The following ITGAV variants were observed in gnomAD, a reference collection of about 807,000 sequenced individuals.
ITGAV encodes the protein integrin subunit alpha V, also known as integrin alpha-V.
A neutral mutation model predicts 143.8 loss-of-function variants in ITGAV; 76 were observed. The ratio of observed to expected loss-of-function variants is 0.53; its 90% confidence interval spans 0.44 to 0.64. ITGAV has a LOEUF of 0.64. Among genes scored for constraint, ITGAV ranks in the 30% least tolerant of loss-of-function variants. The pLI, the probability that ITGAV is intolerant of heterozygous loss-of-function variation, is 0.00. For synonymous variants in ITGAV, 453 were observed against 446.7 expected (o/e 1.01, Z -0.18); for missense variants, 1,193 against 1,274.7 (o/e 0.94, Z 0.98).
intron 1 of ITGAV, among the ~76,000 whole-genome samples, chr2:186,595,202 C>T (rs185807397): frequency 6.6e-6 from 1 of 152,166 alleles, no homozygotes; most frequent in Non-Finnish European, 1.5e-5. Context: ...GGTGAAGGCT[C>T]ATTGGTCAAC....
intron 12 of ITGAV, among the ~76,000 whole-genome samples, chr2:186,642,271 G>T (rs79257155): frequency 1.3e-5 from 2 of 151,946 alleles, no homozygotes; most frequent in Non-Finnish European, 2.9e-5. Flanking sequence ...AGAGATCACA[G>T]AATGGATAGT....
intron 2 of ITGAV, among the ~76,000 whole-genome samples, chr2:186,619,552 G>A (rs941377847): frequency 1.6e-4 from 15 of 92,292 alleles, no homozygotes; most frequent in Admixed American, 2.3e-4. Flanking sequence ...GGAAGGAATC[G>A]AATGTTCCCA....
intron 2 of ITGAV, among the ~76,000 whole-genome samples, chr2:186,607,733 C>T (rs771172673): frequency 1.3e-5 from 2 of 152,032 alleles, no homozygotes; most frequent in Non-Finnish European, 2.9e-5. Context: ...TTATTAAAAC[C>T]ACTTTCTATT....
At chr2:186,603,124 T>C (rs1040565799) in intron 2 of ITGAV, among the ~76,000 whole-genome samples, 2 of 152,182 alleles carry the variant, frequency 1.3e-5, no homozygotes, top group South Asian at 2.1e-4. Flanking sequence ...CGCATTTATA[T>C]TGGTATATTT....
At chr2:186,636,607 T>C (rs548253232) in intron 7 of ITGAV, among the ~76,000 whole-genome samples, 2 of 152,370 alleles carry the variant, frequency 1.3e-5, no homozygotes, top group Non-Finnish European at 2.9e-5. Flanking sequence ...TGTAACTTGC[T>C]GTTCAGAGAT....
rs552159498 is a variant in ITGAV, at chr2:186,623,894, A to G, written c.408+1464A>G. Among the ~76,000 whole-genome samples, 7 of 152,200 alleles carry G rather than the reference A, an allele frequency of 4.6e-5. No individual in the cohort carries two copies. The East Asian group carries it at 1.4e-3, about 29-fold the overall frequency. Reference sequence around the variant, plus strand: ...ATCATTACCCCCTTGGACCACTGCAACGGCTCTTCTCATCCTGCTGCTGCT... The same window carrying G: ...ATCATTACCCCCTTGGACCACTGCAGCGGCTCTTCTCATCCTGCTGCTGCT... On this transcript the variant is annotated intron_variant, in intron 3 of 29. Coordinates refer to ENST00000261023, the MANE Select transcript of ITGAV (RefSeq NM_002210.5).
At chr2:186,632,419 T>G (rs61765162) in intron 5 of ITGAV, among the ~76,000 whole-genome samples, 6,494 of 151,944 alleles carry the variant, frequency 0.043, 474 homozygotes, top group African/African-American at 0.15. Context: ...GACTTAGAAG[T>G]TCTTTTACGT....
At position 186,611,129 on chromosome 2, in the gene ITGAV, G is replaced by A. The variant is rs533725073; in HGVS notation, c.316+8978G>A. Among the ~76,000 whole-genome samples, 205 of 152,148 alleles carry A rather than the reference G, an allele frequency of 1.3e-3. 1 individual carries two copies. Among genetic ancestry groups the A allele is most frequent in the Non-Finnish European group, 1.6e-3 (108 of 68,006 alleles). ...ATCTTCAAAGCCAGCAATAGCTACCGGGGTCGTTCTCATGCTGCATTACTC... is the reference window on the plus strand; with the variant it reads ...ATCTTCAAAGCCAGCAATAGCTACCAGGGTCGTTCTCATGCTGCATTACTC... On this transcript the variant is annotated intron_variant, in intron 2 of 29. Transcript: ENST00000261023.
intron 5 of ITGAV, among the ~76,000 whole-genome samples, chr2:186,631,405 A>G: frequency 6.6e-6 from 1 of 152,176 alleles, no homozygotes; most frequent in East Asian, 1.9e-4. Flanking sequence ...TCTCTTCAGA[A>G]TTGATATTTT....
Position 186,590,215 on chromosome 2 carries a change from C to A in ITGAV, c.-124C>A. ...TGCCCCGGAGCTGTCCCGGGCTAGC[C>A]GAGAAGAGAGCGGCCGGCAAGTTTG... On this transcript the variant is annotated 5_prime_UTR_variant, in exon 1 of 30. Transcript: ENST00000261023. 1 of 796,938 alleles carries A rather than the reference C, an allele frequency of 1.3e-6. No homozygotes were observed. Among genetic ancestry groups the A allele is most frequent in the East Asian group, 3.5e-5 (1 of 28,808 alleles). 49.4% of individuals were successfully genotyped at this position (796,938 alleles called of 1,614,324 possible).
chr2:186,652,450 CT>C (rs1317945919), intron 15 of ITGAV, among the ~76,000 whole-genome samples: 1 of 152,020 alleles, frequency 6.6e-6, no homozygotes, highest in Non-Finnish European at 1.5e-5. Context: ...CCTCAGCCTC[CT>C]AAAGTGCTAG....
chr2:186,646,644 C>T lies in ITGAV; in HGVS notation c.1160-42C>T, dbSNP rs370688311. 4 of 1,458,302 alleles carry T rather than the reference C, an allele frequency of 2.7e-6. No individual in the cohort carries two copies. In the African/African-American group the frequency reaches 4.2e-5, roughly 15 times the overall value. The allele number at this position is 1,458,302 out of a possible 1,614,324, so 90.3% of individuals were successfully genotyped here. ...CTTCCCTTTCTTTTCCTCCTCCTTA[C>T]TTCTGTCATTCTCCTTCCCCCTCCT... On this transcript the variant is annotated intron_variant, in intron 12 of 29. Coordinates refer to ENST00000261023, the MANE Select transcript of ITGAV (RefSeq NM_002210.5).
At chr2:186,632,136 T>C (rs982849668) in intron 5 of ITGAV, among the ~76,000 whole-genome samples, 28 of 152,320 alleles carry the variant, frequency 1.8e-4, no homozygotes, top group African/African-American at 6.7e-4. Context: ...AACTTGTTTT[T>C]AATACTCTAA....
Position 186,636,071 on chromosome 2 carries a change from C to A in ITGAV, c.632-11C>A. ...GAAGGTTATTTATTTTATATATACA[C>A]CCTTTTTTAGGTCAGCTTATTTCGG... On this transcript the variant is annotated splice_polypyrimidine_tract_variant and intron_variant, in intron 6 of 29. Transcript: ENST00000261023. 1 of 1,609,536 alleles carries A rather than the reference C, an allele frequency of 6.2e-7. No homozygotes were observed. Among genetic ancestry groups the A allele is most frequent in the East Asian group, 2.2e-5 (1 of 44,692 alleles).
intron 2 of ITGAV, among the ~76,000 whole-genome samples, chr2:186,615,789 G>A (rs758410303): frequency 1.5e-4 from 23 of 151,368 alleles, no homozygotes; most frequent in African/African-American, 3.9e-4. Flanking sequence ...TGGTGTTTTT[G>A]TAGCACAAAA....
intron 19 of ITGAV, 41 bp from the exon 20 acceptor site, chr2:186,664,453 G>A (rs1252443277): frequency 5.0e-6 from 8 of 1,592,112 alleles, no homozygotes; most frequent in Non-Finnish European, 6.9e-6. Context: ...TCCCCATGTA[G>A]TCTTTTTTTC....
At position 186,590,280 on chromosome 2, in the gene ITGAV, G is replaced by A; in HGVS notation, c.-59G>A. The stretch of plus-strand genomic sequence containing the variant: ...GCGGGCCGCGGGCACTGGGCGCCTC[G>A]CTGGGGCGGGGGGAGGTGGCTACCG... On this transcript the variant is annotated 5_prime_UTR_variant, in exon 1 of 30. Coordinates refer to ENST00000261023, the MANE Select transcript of ITGAV (RefSeq NM_002210.5). 7 of 1,363,446 alleles carry A rather than the reference G, an allele frequency of 5.1e-6. No homozygotes were observed. The highest frequency in any genetic ancestry group is 5.7e-6 in the Non-Finnish European group (6 of 1,056,802). The allele number at this position is 1,363,446 out of a possible 1,614,324, so 84.5% of individuals were successfully genotyped here.
chr2:186,676,990 G>A, intron 29 of ITGAV, 55 bp downstream of exon 29: 1 of 1,562,132 alleles, frequency 6.4e-7, no homozygotes, highest in Non-Finnish European at 8.8e-7. Context: ...AAAGGGAAAG[G>A]GAAGAAGGAA....
rs5836988 is a variant in ITGAV, at chr2:186,625,678, T to TGTGTGTGTAA, written c.523+92_523+93insTGTGTGTAAG. On this transcript the variant is annotated intron_variant, in intron 4 of 29. Coordinates refer to ENST00000261023, the MANE Select transcript of ITGAV (RefSeq NM_002210.5). ...GTGTGTGTGGGTGTGTGTGTGTGTG[T>TGTGTGTGTAA]GAGAGAGAGAGATATTAAAAGATAT... 17 of 453,096 alleles carry TGTGTGTGTAA rather than the reference T, an allele frequency of 3.8e-5. 1 individual carries two copies. The East Asian group carries it at 6.2e-4, about 17-fold the overall frequency. 28.1% of individuals were successfully genotyped at this position (453,096 alleles called of 1,614,324 possible).
Sources: allele counts gnomAD v4.1 joint callset (sites outside exome capture counted in the v4.1 genomes callset), GRCh38; gene constraint gnomAD v4.1.1; transcripts MANE v1.5; gene names NCBI Gene and HGNC (gene_info 2026-07-23, HGNC 2026-07-21).